Variants in DBNL observed in about 807,000 individuals in gnomAD.
The protein encoded by DBNL is drebrin like.
A neutral mutation model predicts 62.2 loss-of-function variants in DBNL; 35 were observed. The ratio of observed to expected loss-of-function variants is 0.56; its 90% CI spans 0.43 to 0.75. DBNL has a LOEUF of 0.75. Among genes scored for constraint, DBNL ranks in the 30% least tolerant of loss-of-function variants. DBNL has a pLI of 0.00. For missense variants in DBNL, 495 were observed against 578.4 expected (o/e 0.86, Z 1.48); for synonymous variants, 197 against 218.0 (o/e 0.90, Z 0.85).
Position 44,051,934 on chromosome 7 carries a change from A to T in DBNL, c.244A>T (p.Ile82Phe). 2 of 1,614,122 alleles carry T rather than the reference A, an allele frequency of 1.2e-6. No homozygotes were observed. The highest frequency in any genetic ancestry group is 1.7e-6 in the Non-Finnish European group (2 of 1,179,978). ...PNSGLPKFVLINWTGEGVNDV... is the reference protein window; with the variant it reads ...PNSGLPKFVLFNWTGEGVNDV... ...CTCTGGACTGCCCAAATTTGTCCTC[A>T]TCAACTGGGTATGTGGAGCCTGTTT... Residue 82 changes from isoleucine (I) to phenylalanine (F), a missense_variant, in exon 3 of 13, where the codon ATC becomes TTC. By Grantham distance (21) the Ile-to-Phe change is conservative. Coordinates refer to ENST00000448521, the MANE Select transcript of DBNL (RefSeq NM_001014436.3).
chr7:44,057,054 C>T, intron 5 of DBNL, 151 bp downstream of exon 5: 1 of 1,210,702 alleles, frequency 8.3e-7, no homozygotes, highest in Non-Finnish European at 1.1e-6. Flanking sequence ...TGATTGCCCA[C>T]TGACCAGATG....
intron 2 of DBNL, 123 bp from the exon 3 acceptor site, chr7:44,051,706 AT>A: frequency 1.3e-6 from 1 of 778,766 alleles, no homozygotes; most frequent in Non-Finnish European, 2.1e-6. Context: ...CCCTAGAAAG[AT>A]TCTGATACAG....
In DBNL at chr7:44,065,635, C is replaced by CCAAT; in HGVS notation, c.*4722_*4725dup. 9.0e-7 allele frequency: 1 copy of CCAAT among 1,115,910 alleles called. No homozygotes were observed. The highest frequency in any genetic ancestry group is 1.3e-6 in the Non-Finnish European group (1 of 750,848). The allele number at this position is 1,115,910 out of a possible 1,614,324, so 69.1% of individuals were successfully genotyped here. A position where few individuals can be genotyped will look rare whatever the true frequency, so the allele number is the denominator to read the frequency against. On this transcript the variant is annotated 3_prime_UTR_variant, in exon 13 of 13. Coordinates refer to ENST00000448521, the MANE Select transcript of DBNL (RefSeq NM_001014436.3). Reference sequence around the variant, plus strand: ...AGCCCCCACCCACCCCAGCCAACTGCCAATCAGCATTCCAGGCGGTGGCAG... The same window carrying CCAAT: ...AGCCCCCACCCACCCCAGCCAACTGCCAATCAATCAGCATTCCAGGCGGTGGCAG...
intron 1 of DBNL, among the ~76,000 whole-genome samples, chr7:44,045,641 G>T (rs1341133912): frequency 6.6e-6 from 1 of 152,242 alleles, no homozygotes; most frequent in Non-Finnish European, 1.5e-5. Context: ...TCGTGGTGGG[G>T]CCACACTGTG....
Position 44,053,207 on chromosome 7 carries a change from A to T in DBNL, c.327+266A>T, listed in dbSNP as rs1020617250. 1.3e-5 allele frequency among the ~76,000 whole-genome samples: 2 copies of T among 152,188 alleles called. 1 individual carries two copies. The highest frequency in any genetic ancestry group is 4.1e-4 in the South Asian group (2 of 4,824). ...GGACTATGCTGGAGCTGGTGCCGTG[A>T]GAAGGGTGGGCCCTGGTTCTGTTTT... On this transcript the variant is annotated intron_variant, in intron 4 of 12. Coordinates refer to ENST00000448521, the MANE Select transcript of DBNL (RefSeq NM_001014436.3).
At chr7:44,053,861 A>G (rs1403830242) in intron 4 of DBNL, among the ~76,000 whole-genome samples, 6 of 152,030 alleles carry the variant, frequency 3.9e-5, no homozygotes, top group Non-Finnish European at 8.8e-5. Context: ...TATTTTTAGT[A>G]GAGACGGGGT....
In DBNL at chr7:44,065,596, AAT is replaced by A; in HGVS notation, c.*4682_*4683del. ...TGCTTCCCAACACTCCCAGCTTTAT[AAT>A]AGTGTCTTCCCAGCCCCCACCCACC... On this transcript the variant is annotated 3_prime_UTR_variant, in exon 13 of 13. Transcript: ENST00000448521. 2 of 1,490,444 alleles carry A rather than the reference AAT, an allele frequency of 1.3e-6. No homozygotes were observed. The highest frequency in any genetic ancestry group is 1.9e-6 in the Non-Finnish European group (2 of 1,074,974). 92.3% of individuals were successfully genotyped at this position (1,490,444 alleles called of 1,614,324 possible). A position where few individuals can be genotyped will look rare whatever the true frequency, so the allele number is the denominator to read the frequency against.
chr7:44,045,567 T>C (rs2096115799), intron 1 of DBNL, among the ~76,000 whole-genome samples: 1 of 152,234 alleles, frequency 6.6e-6, no homozygotes, highest in Non-Finnish European at 1.5e-5. Flanking sequence ...CTGAGAAATA[T>C]GCTGAGTATG....
intron 1 of DBNL, among the ~76,000 whole-genome samples, chr7:44,046,537 T>C (rs1158744135): frequency 2.0e-5 from 3 of 152,124 alleles, no homozygotes; most frequent in Non-Finnish European, 1.5e-5. Flanking sequence ...ATGAGGGTTG[T>C]GGAGCCTCCT....
intron 2 of DBNL, chr7:44,050,800 T>G (rs1263049430): frequency 1.3e-5 from 2 of 153,536 alleles, no homozygotes. Flanking sequence ...TTCGTCAGAG[T>G]GTGACCTGTG....
chr7:44,068,950 T>C lies in DBNL; in HGVS notation c.*8034T>C, dbSNP rs2096164324. The C allele has an allele frequency of 6.6e-6, 1 of 152,196 alleles. No individual in the cohort carries two copies. Among genetic ancestry groups the C allele is most frequent in the Non-Finnish European group, 1.5e-5 (1 of 68,036 alleles). 9.4% of individuals were successfully genotyped at this position (152,196 alleles called of 1,614,324 possible). A position where few individuals can be genotyped will look rare whatever the true frequency, so the allele number is the denominator to read the frequency against. ...TCAGGTGAACAATTCTTTGAAAGAC[T>C]GGATCTTCACCAGAAACTATAGAGG... On this transcript the variant is annotated 3_prime_UTR_variant, in exon 13 of 13. Coordinates refer to ENST00000448521, the MANE Select transcript of DBNL (RefSeq NM_001014436.3).
In DBNL at chr7:44,064,802, C is replaced by T. The variant is rs2096156023; in HGVS notation, c.*3886C>T. 2.9e-6 allele frequency: 4 copies of T among 1,373,152 alleles called. No individual in the cohort carries two copies. The highest frequency in any genetic ancestry group is 1.2e-5 in the South Asian group (1 of 82,542). The allele number at this position is 1,373,152 out of a possible 1,614,324, so 85.1% of individuals were successfully genotyped here. A position where few individuals can be genotyped will look rare whatever the true frequency, so the allele number is the denominator to read the frequency against. Reference sequence around the variant, plus strand: ...GCCAGCTGGGGCTGCTGCCCACCCACCCTGCCCAGGCTCCTGAAGGTGGCC... The same window carrying T: ...GCCAGCTGGGGCTGCTGCCCACCCATCCTGCCCAGGCTCCTGAAGGTGGCC... On this transcript the variant is annotated 3_prime_UTR_variant, in exon 13 of 13. Coordinates refer to ENST00000448521, the MANE Select transcript of DBNL (RefSeq NM_001014436.3).
chr7:44,049,080 C>T (rs780860687), intron 1 of DBNL, among the ~76,000 whole-genome samples: 7 of 152,002 alleles, frequency 4.6e-5, no homozygotes, highest in Non-Finnish European at 1.0e-4. Context: ...GTCTCAAACT[C>T]CTGGGCTCAA....
intron 1 of DBNL, among the ~76,000 whole-genome samples, chr7:44,049,135 A>G (rs191947268): frequency 6.6e-6 from 1 of 152,012 alleles, no homozygotes; most frequent in Non-Finnish European, 1.5e-5. Flanking sequence ...GATTACAGAC[A>G]CGAGCCACCC....
Position 44,064,804 on chromosome 7 carries a change from C to CCCCCCCG in DBNL, c.*3888_*3889insCCCCCCG. The CCCCCCCG allele has an allele frequency of 1.4e-6, 2 of 1,437,740 alleles. No individual in the cohort carries two copies. The highest frequency in any genetic ancestry group is 1.9e-6 in the Non-Finnish European group (2 of 1,041,970). The allele number at this position is 1,437,740 out of a possible 1,614,324, so 89.1% of individuals were successfully genotyped here. ...CAGCTGGGGCTGCTGCCCACCCACC[C>CCCCCCCG]TGCCCAGGCTCCTGAAGGTGGCCTC... is the stretch of plus-strand genomic sequence containing the variant. On this transcript the variant is annotated 3_prime_UTR_variant, in exon 13 of 13. Transcript: ENST00000448521.
chr7:44,064,930 A>G lies in DBNL; in HGVS notation c.*4014A>G. 1 of 1,610,902 alleles carries G rather than the reference A, an allele frequency of 6.2e-7. No individual in the cohort carries two copies. The highest frequency in any genetic ancestry group is 8.5e-7 in the Non-Finnish European group (1 of 1,179,748). ...CTGGGGAACAATCTCCTCGTTCCAG[A>G]AGGGCAGGGCCCGGGCAATGGTGTC... On this transcript the variant is annotated 3_prime_UTR_variant, in exon 13 of 13. Coordinates refer to ENST00000448521, the MANE Select transcript of DBNL (RefSeq NM_001014436.3).
chr7:44,055,488 A>G (rs556365510), intron 4 of DBNL, among the ~76,000 whole-genome samples: 1 of 152,262 alleles, frequency 6.6e-6, no homozygotes, highest in African/African-American at 2.4e-5. Context: ...AAAAAACCAT[A>G]CTGTTTTTAT....
At chr7:44,054,035 G>C (rs947995246) in intron 4 of DBNL, among the ~76,000 whole-genome samples, 2 of 152,156 alleles carry the variant, frequency 1.3e-5, no homozygotes, top group African/African-American at 4.8e-5. Flanking sequence ...CATTGGAGCA[G>C]TTCAGATTTT....
At chr7:44,046,292 C>A (rs2096117122) in intron 1 of DBNL, among the ~76,000 whole-genome samples, 1 of 152,240 alleles carries the variant, frequency 6.6e-6, no homozygotes, top group Non-Finnish European at 1.5e-5. Context: ...CCCTGGCAGA[C>A]TTACCTAGGA....
Sources: allele counts gnomAD v4.1 joint callset (sites outside exome capture counted in the v4.1 genomes callset), GRCh38; gene constraint gnomAD v4.1.1; transcripts MANE v1.5; gene names NCBI Gene and HGNC (gene_info 2026-07-23, HGNC 2026-07-21).